Variants in C12orf42 observed in about 807,000 individuals in gnomAD.
C12orf42 encodes uncharacterized protein C12orf42.
In C12orf42, 25 loss-of-function variants were observed where a neutral mutation model predicts 21.6. The ratio of observed to expected loss-of-function variants is 1.16; its 90% CI spans 0.84 to 1.62. The LOEUF (loss-of-function observed/expected upper bound fraction) is 1.62. Ranked by LOEUF, C12orf42 falls within the 40% of genes most tolerant of loss-of-function variation. The pLI is 0.00. For missense variants in C12orf42, 483 were observed against 459.3 expected, an observed-to-expected ratio of 1.05 and a Z score of -0.47; for synonymous variants, 174 against 175.0, an observed-to-expected ratio of 0.99 and a Z score of 0.05.
the C12orf42 span, among the ~76,000 whole-genome samples, chr12:103,217,947 A>G: frequency 2.6e-5 from 4 of 151,972 alleles, no homozygotes; most frequent in Non-Finnish European, 5.9e-5. Context: ...TATACCATTC[A>G]TTTGTTGCTG....
At chr12:103,234,051 A>C (rs963258635), downstream of C12orf42, among the ~76,000 whole-genome samples, 2 of 152,146 alleles carry the variant, frequency 1.3e-5, no homozygotes, top group Non-Finnish European at 2.9e-5. Flanking sequence ...GCTTTTTCTA[A>C]ATCTATTGAT....
chr12:103,202,992 T>G, the C12orf42 span, among the ~76,000 whole-genome samples: 2 of 152,216 alleles, frequency 1.3e-5, no homozygotes, highest in Non-Finnish European at 2.9e-5. Flanking sequence ...ACTACACCAT[T>G]GAGGATGACT....
At chr12:103,506,835 TTATA>T in the C12orf42 span, among the ~76,000 whole-genome samples, 888 of 69,756 alleles carry the variant, frequency 0.013, 71 homozygotes, top group African/African-American at 0.055. Flanking sequence ...TATTTATATA[TTATA>T]TATATATATA....
intron 3 of C12orf42, among the ~76,000 whole-genome samples, chr12:103,394,528 G>C (rs2138529463): frequency 6.6e-6 from 1 of 152,326 alleles, no homozygotes; most frequent in Middle Eastern, 3.4e-3. Flanking sequence ...TCTCCGCTAT[G>C]CTAATAATTT....
chr12:103,098,709 T>G, the C12orf42 span, among the ~76,000 whole-genome samples: 1 of 152,168 alleles, frequency 6.6e-6, no homozygotes, highest in Non-Finnish European at 1.5e-5. Context: ...AAAAAGAAAG[T>G]CAGAAGGGTC....
At position 103,369,510 on chromosome 12, in the gene C12orf42, A is replaced by G. The variant is rs114185310; in HGVS notation, c.148-512T>C. On this transcript the variant is annotated intron_variant, in intron 3 of 5. Coordinates refer to ENST00000548883, the MANE Select transcript of C12orf42 (RefSeq NM_198521.5). ...GGCTCAGATGGAGTAGCCATGTGAGATCTTGGTTGAGAGTCATTCCAAGCA... is the reference window on the plus strand; with the variant it reads ...GGCTCAGATGGAGTAGCCATGTGAGGTCTTGGTTGAGAGTCATTCCAAGCA... 3.3e-3 allele frequency among the ~76,000 whole-genome samples: 497 copies of G among 151,958 alleles called. 3 individuals are homozygous for G. Among genetic ancestry groups the G allele is most frequent in the African/African-American group, 0.011 (471 of 41,458 alleles).
chr12:103,432,416 G>A (rs1272214436), intron 2 of C12orf42, among the ~76,000 whole-genome samples: 1 of 152,122 alleles, frequency 6.6e-6, no homozygotes, highest in Non-Finnish European at 1.5e-5. Context: ...TTGGCAGTGG[G>A]AGGACCCTCT....
chr12:103,228,137 CA>C, the C12orf42 span, among the ~76,000 whole-genome samples: 6 of 152,286 alleles, frequency 3.9e-5, no homozygotes, highest in Non-Finnish European at 5.9e-5. Flanking sequence ...GACCACCAAA[CA>C]GGCTTTGTGT....
At chr12:103,362,819 A>C (rs1288650457) in intron 4 of C12orf42, among the ~76,000 whole-genome samples, 1 of 152,012 alleles carries the variant, frequency 6.6e-6, no homozygotes, top group Non-Finnish European at 1.5e-5. Flanking sequence ...ATTTTAGAAA[A>C]TGAACAACAC....
At chr12:103,154,226 G>A in the C12orf42 span, among the ~76,000 whole-genome samples, 4 of 152,076 alleles carry the variant, frequency 2.6e-5, no homozygotes, top group African/African-American at 9.7e-5. Context: ...CTGGTATGCT[G>A]GTGAATGCTC....
the C12orf42 span, among the ~76,000 whole-genome samples, chr12:103,535,718 T>C: frequency 1.3e-5 from 2 of 152,300 alleles, no homozygotes; most frequent in Admixed American, 6.5e-5. Flanking sequence ...GCAAGACATG[T>C]TGAGGACATG....
chr12:103,259,922 T>C (rs1459644766), intron 10 of C12orf42, among the ~76,000 whole-genome samples: 1 of 152,162 alleles, frequency 6.6e-6, no homozygotes, highest in East Asian at 1.9e-4. Flanking sequence ...TTAGAACAGT[T>C]AAATAACTTT....
At chr12:103,144,249 A>G in the C12orf42 span, among the ~76,000 whole-genome samples, 1 of 152,208 alleles carries the variant, frequency 6.6e-6, no homozygotes, top group African/African-American at 2.4e-5. Flanking sequence ...GTCAGAGGAA[A>G]AAGAGGAGAC....
At chr12:103,192,616 A>C in the C12orf42 span, among the ~76,000 whole-genome samples, 5 of 152,210 alleles carry the variant, frequency 3.3e-5, no homozygotes, top group African/African-American at 9.7e-5. Flanking sequence ...GAGATAAGAT[A>C]GACTTTGAGT....
the C12orf42 span, among the ~76,000 whole-genome samples, chr12:103,070,225 A>G: frequency 1.3e-5 from 2 of 152,092 alleles, no homozygotes; most frequent in African/African-American, 4.8e-5. Context: ...ACTGCTCTCC[A>G]GTATTTTGCA....
chr12:103,375,735 A>T (rs1317333061), intron 3 of C12orf42, among the ~76,000 whole-genome samples: 1 of 152,168 alleles, frequency 6.6e-6, no homozygotes, highest in Non-Finnish European at 1.5e-5. Context: ...AGTATTATTA[A>T]CTACCCTTTC....
At chr12:103,153,291 C>A in the C12orf42 span, among the ~76,000 whole-genome samples, 1 of 152,092 alleles carries the variant, frequency 6.6e-6, no homozygotes, top group South Asian at 2.1e-4. Flanking sequence ...AGACATGACA[C>A]ACAAGGCACA....
At chr12:103,316,446 A>C (rs1202018435) in intron 4 of C12orf42, among the ~76,000 whole-genome samples, 1 of 152,170 alleles carries the variant, frequency 6.6e-6, no homozygotes, top group Non-Finnish European at 1.5e-5. Context: ...AGGAGAGGTT[A>C]AAAGAAGTTT....
the C12orf42 span, among the ~76,000 whole-genome samples, chr12:103,562,590 C>G: frequency 2.0e-5 from 3 of 152,314 alleles, no homozygotes; most frequent in East Asian, 5.8e-4. Flanking sequence ...TGACATGACC[C>G]TACTGTCCCA....
Sources: gnomAD v4.1 joint callset for allele counts (sites outside exome capture counted in the v4.1 genomes callset) on GRCh38, gnomAD v4.1.1 for gene constraint, MANE v1.5 for transcripts, NCBI Gene and HGNC (gene_info 2026-07-23, HGNC 2026-07-21) for gene names.